The following RASGRF1 variants were observed in gnomAD, a reference collection of about 807,000 sequenced individuals.
RASGRF1 encodes the protein ras-specific guanine nucleotide-releasing factor 1.
RASGRF1 carries 40 observed loss-of-function variants against 138.7 expected under a neutral mutation model. That is an observed-to-expected ratio of 0.29 (90% CI 0.22 to 0.38). RASGRF1 has a LOEUF of 0.38. RASGRF1 is among the 10% of genes least tolerant of loss of function. RASGRF1 has a pLI of 1.00. For synonymous variants in RASGRF1, 614 were observed against 663.2 expected, an observed-to-expected ratio of 0.93 and a Z score of 1.14; for missense variants, 1,108 against 1,650.4, an observed-to-expected ratio of 0.67 and a Z score of 5.69.
At chr15:79,067,004 C>T (rs1316557121) in intron 1 of RASGRF1, among the ~76,000 whole-genome samples, 1 of 152,168 alleles carries the variant, frequency 6.6e-6, no homozygotes, top group East Asian at 1.9e-4. Context: ...AGGTTAGGCC[C>T]CACGACCTTT....
chr15:78,979,424 G>A (rs962379651), intron 24 of RASGRF1: 4 of 211,654 alleles, frequency 1.9e-5, no homozygotes, highest in Non-Finnish European at 2.9e-5. Flanking sequence ...TGCGTCAGCC[G>A]TGATCATGGG....
At chr15:78,998,284 G>T in intron 18 of RASGRF1, 76 bp from the exon 19 acceptor site, 1 of 1,225,474 alleles carries the variant, frequency 8.2e-7, no homozygotes, top group Non-Finnish European at 1.2e-6. Context: ...CCAGGCCAGA[G>T]GAAGGAGCTC....
chr15:78,987,905 G>A (rs1285741886), intron 22 of RASGRF1, among the ~76,000 whole-genome samples: 3 of 152,140 alleles, frequency 2.0e-5, no homozygotes, highest in Non-Finnish European at 4.4e-5. Flanking sequence ...CAGTACCCCA[G>A]CTTGGCCATG....
chr15:79,017,436 G>C (rs2056894499), intron 12 of RASGRF1, among the ~76,000 whole-genome samples: 1 of 152,154 alleles, frequency 6.6e-6, no homozygotes, highest in Non-Finnish European at 1.5e-5. Context: ...CAGGTCACAT[G>C]CCAACAATTT....
chr15:79,051,516 G>A (rs1467305339), intron 3 of RASGRF1, among the ~76,000 whole-genome samples: 1 of 152,028 alleles, frequency 6.6e-6, no homozygotes, highest in Non-Finnish European at 1.5e-5. Flanking sequence ...TTTTACCTTC[G>A]GCTTCTTCTC....
At chr15:79,018,640 G>A (rs766446598) in intron 11 of RASGRF1, among the ~76,000 whole-genome samples, 15 of 152,200 alleles carry the variant, frequency 9.9e-5, no homozygotes, top group Non-Finnish European at 1.9e-4. Context: ...GTCCTCCTGT[G>A]CAACAGGAGT....
intron 22 of RASGRF1, among the ~76,000 whole-genome samples, chr15:78,987,730 A>C (rs2056190482): frequency 6.6e-6 from 1 of 151,608 alleles, no homozygotes; most frequent in African/African-American, 2.4e-5. Context: ...AAACCAAAAA[A>C]CCCCACAAAA....
At chr15:79,014,623 T>C (rs2056849191) in intron 13 of RASGRF1, among the ~76,000 whole-genome samples, 1 of 152,110 alleles carries the variant, frequency 6.6e-6, no homozygotes, top group Non-Finnish European at 1.5e-5. Context: ...GATAAAAGAC[T>C]ACAAATTGGA....
At chr15:79,078,691 A>T (rs568439340) in intron 1 of RASGRF1, among the ~76,000 whole-genome samples, 427 of 152,138 alleles carry the variant, frequency 2.8e-3, no homozygotes, top group African/African-American at 9.0e-3. Context: ...CCTAGCTCCA[A>T]TTGGCTTCTT....
chr15:79,031,327 C>T (rs1008488628), intron 8 of RASGRF1, 73 bp downstream of exon 8: 31 of 1,180,858 alleles, frequency 2.6e-5, no homozygotes, highest in South Asian at 5.8e-5. Context: ...AGGGGTTCAG[C>T]GAACTCCTGG....
chr15:79,033,872 G>C (rs1287461511), intron 6 of RASGRF1, among the ~76,000 whole-genome samples: 1 of 152,212 alleles, frequency 6.6e-6, no homozygotes, highest in Non-Finnish European at 1.5e-5. Flanking sequence ...TTAAAGGCAT[G>C]AGTCACCGTG....
At chr15:79,088,215 T>A (rs1160611587) in intron 1 of RASGRF1, among the ~76,000 whole-genome samples, 3 of 152,194 alleles carry the variant, frequency 2.0e-5, no homozygotes, top group African/African-American at 7.2e-5. Flanking sequence ...AGTTTCTTGG[T>A]CTGTAAAATG....
chr15:79,020,443 C>T (rs1017454366), intron 10 of RASGRF1, among the ~76,000 whole-genome samples: 7 of 152,178 alleles, frequency 4.6e-5, no homozygotes, highest in African/African-American at 1.4e-4. Flanking sequence ...GCTTCATAGC[C>T]CTAAATCTGC....
At chr15:79,067,508 C>T (rs2057695559) in intron 1 of RASGRF1, among the ~76,000 whole-genome samples, 1 of 152,164 alleles carries the variant, frequency 6.6e-6, no homozygotes, top group Non-Finnish European at 1.5e-5. Flanking sequence ...CTGCCTTTGC[C>T]CAGTGGTGCT....
intron 1 of RASGRF1, among the ~76,000 whole-genome samples, chr15:79,078,565 C>T (rs1287489447): frequency 6.6e-6 from 1 of 152,154 alleles, no homozygotes; most frequent in African/African-American, 2.4e-5. Flanking sequence ...TCTCCCATGC[C>T]CCACTAGATC....
chr15:78,973,817 C>T lies in RASGRF1; in HGVS notation c.3495-397G>A, dbSNP rs1322879491. ...AGACTCTCCCATCCGGATCCTCCCCCGAATCACCTCCTGGAGGGCTCTGCA... is the reference window on the plus strand; with the variant it reads ...AGACTCTCCCATCCGGATCCTCCCCTGAATCACCTCCTGGAGGGCTCTGCA... On this transcript the variant is annotated intron_variant, in intron 24 of 26. Coordinates refer to ENST00000558480, the MANE Select transcript of RASGRF1 (RefSeq NM_001145648.3). This position sits in a 1 kb window ranked among gnomAD's most constrained non-coding sequence, Gnocchi z 4.9. Among the ~76,000 whole-genome samples, 1 of 152,150 alleles carries T rather than the reference C, an allele frequency of 6.6e-6. No homozygotes were observed. The highest frequency in any genetic ancestry group is 1.5e-5 in the Non-Finnish European group (1 of 68,014).
intron 1 of RASGRF1, among the ~76,000 whole-genome samples, chr15:79,079,077 G>C (rs1324508357): frequency 6.6e-6 from 1 of 152,232 alleles, no homozygotes; most frequent in Non-Finnish European, 1.5e-5. Flanking sequence ...CAAGGCCTGG[G>C]GGCCCATGTC....
At chr15:79,036,964 A>T (rs1165743950) in intron 5 of RASGRF1, among the ~76,000 whole-genome samples, 1 of 152,178 alleles carries the variant, frequency 6.6e-6, no homozygotes, top group Non-Finnish European at 1.5e-5. Flanking sequence ...TTGAGCTCTC[A>T]CTTCTGAGTG....
rs1324289697 is a variant in RASGRF1, at chr15:79,006,072, T to G, written c.2075+114A>C. 21 of 1,451,732 alleles carry G rather than the reference T, an allele frequency of 1.4e-5. No homozygotes were observed. The highest frequency in any genetic ancestry group is 2.0e-5 in the Non-Finnish European group (21 of 1,063,042). 89.9% of individuals were successfully genotyped at this position (1,451,732 alleles called of 1,614,324 possible). The stretch of plus-strand genomic sequence containing the variant: ...TGTGTCCCGCAGCACCCCAACACGT[T>G]ACTGCTGCTCCTCCAGGGACCTTCC... On this transcript the variant is annotated intron_variant, in intron 14 of 26. Transcript: ENST00000558480. This position sits in a 1 kb window ranked among gnomAD's most constrained non-coding sequence, Gnocchi z 4.0.
Sources: gnomAD v4.1 joint callset for allele counts (sites outside exome capture counted in the v4.1 genomes callset) on GRCh38, gnomAD v4.1.1 for gene constraint, Gnocchi (gnomAD v3.1) non-coding constraint, MANE v1.5 for transcripts, NCBI Gene and HGNC (gene_info 2026-07-23, HGNC 2026-07-21) for gene names.